The following CLVS1 variants were observed in gnomAD, a reference collection of about 807,000 sequenced individuals.
The protein encoded by CLVS1 is clavesin 1.
Under a neutral mutation model 33.1 loss-of-function variants are expected in CLVS1, and 10 were observed. The ratio of observed to expected loss-of-function variants is 0.30; its 90% CI spans 0.19 to 0.51. The LOEUF (loss-of-function observed/expected upper bound fraction) is 0.51. Among genes scored for constraint, CLVS1 ranks in the 20% least tolerant of loss-of-function variants. The pLI is 0.97. For missense variants in CLVS1, 343 were observed against 433.4 expected, an observed-to-expected ratio of 0.79 and a Z score of 1.85; for synonymous variants, 163 against 166.1, an observed-to-expected ratio of 0.98 and a Z score of 0.14.
At chr8:61,317,557 G>T (rs1445795329) in intron 2 of CLVS1, among the ~76,000 whole-genome samples, 1 of 152,116 alleles carries the variant, frequency 6.6e-6, no homozygotes, top group Admixed American at 6.6e-5. Context: ...CAGAAATGTT[G>T]TTCCATCTCT....
chr8:61,057,980 A>G (rs993661105), intron 1 of CLVS1, among the ~76,000 whole-genome samples: 2 of 152,220 alleles, frequency 1.3e-5, no homozygotes, highest in African/African-American at 4.8e-5. Context: ...ATTGAGGCTA[A>G]TGATAAATCT....
intron 2 of CLVS1, among the ~76,000 whole-genome samples, chr8:61,152,313 T>G (rs148565731): frequency 6.6e-6 from 1 of 152,140 alleles, no homozygotes; most frequent in African/African-American, 2.4e-5. Flanking sequence ...GATCCCATCA[T>G]TAGGGCCCTA....
intron 3 of CLVS1, among the ~76,000 whole-genome samples, chr8:61,444,387 G>A (rs529302020): frequency 7.2e-5 from 11 of 152,208 alleles, no homozygotes; most frequent in African/African-American, 2.4e-4. Context: ...TTAAAATCAC[G>A]TTTAGAAGGT....
rs1051082838 is a variant in CLVS1 at position 61,298,623 on chromosome 8, A to C, written c.-151-1054A>C. On this transcript the variant is annotated intron_variant, in intron 1 of 5. Transcript: ENST00000325897. ...GAGTAAATATTCTGCCTCTTACTGC[A>C]GATAAGATTGACTTAAGAAAGCTAG... 2.0e-4 allele frequency among the ~76,000 whole-genome samples: 30 copies of C among 152,220 alleles called. 1 individual carries two copies. The highest frequency in any genetic ancestry group is 1.5e-5 in the Non-Finnish European group (1 of 68,026).
At chr8:61,110,670 T>C (rs1417428194) in intron 1 of CLVS1, among the ~76,000 whole-genome samples, 1 of 151,816 alleles carries the variant, frequency 6.6e-6, no homozygotes, top group Non-Finnish European at 1.5e-5. Context: ...AAACTGACAC[T>C]CTGTACCCAC....
intron 1 of CLVS1, among the ~76,000 whole-genome samples, chr8:61,088,334 CA>C: frequency 6.6e-6 from 1 of 151,872 alleles, no homozygotes; most frequent in Non-Finnish European, 1.5e-5. Flanking sequence ...ATTTAAAATA[CA>C]AAAAATTAGC....
intron 3 of CLVS1, among the ~76,000 whole-genome samples, chr8:61,433,459 A>T (rs1029384779): frequency 5.9e-5 from 9 of 152,270 alleles, no homozygotes; most frequent in African/African-American, 2.2e-4. Flanking sequence ...TGTTTGCCTG[A>T]CTCAGTGCCC....
chr8:61,486,540 G>A (rs141620314), intron 5 of CLVS1, among the ~76,000 whole-genome samples: 9 of 152,252 alleles, frequency 5.9e-5, no homozygotes, highest in African/African-American at 2.2e-4. Flanking sequence ...AATCCTTCAC[G>A]TACCTTAAAC....
chr8:60,976,960 C>T, the CLVS1 span, among the ~76,000 whole-genome samples: 248 of 152,298 alleles, frequency 1.6e-3, 1 homozygote, highest in African/African-American at 5.7e-3. Context: ...AAGCAGCTCC[C>T]GAGGGGATTT....
At chr8:61,057,384 A>G (rs1038434167) in intron 1 of CLVS1, among the ~76,000 whole-genome samples, 7 of 150,114 alleles carry the variant, frequency 4.7e-5, no homozygotes, top group Admixed American at 4.0e-4. Flanking sequence ...ACACACACAC[A>G]CACACACACA....
chr8:61,392,590 G>A, intron 3 of CLVS1, among the ~76,000 whole-genome samples: 1 of 152,042 alleles, frequency 6.6e-6, no homozygotes, highest in Non-Finnish European at 1.5e-5. Flanking sequence ...TGGCACGGTG[G>A]CTCACACCTG....
intron 2 of CLVS1, among the ~76,000 whole-genome samples, chr8:61,194,172 C>A (rs1243074047): frequency 6.6e-6 from 1 of 151,862 alleles, no homozygotes; most frequent in Non-Finnish European, 1.5e-5. Context: ...AAATGGATAG[C>A]ATAGAATAAA....
At chr8:61,356,373 A>G (rs1392437108) in intron 2 of CLVS1, among the ~76,000 whole-genome samples, 2 of 151,676 alleles carry the variant, frequency 1.3e-5, no homozygotes, top group East Asian at 3.9e-4. Context: ...TTGCCTGTTC[A>G]CTCTGATGGT....
chr8:61,424,144 T>C (rs1447784274), intron 3 of CLVS1, among the ~76,000 whole-genome samples: 1 of 152,218 alleles, frequency 6.6e-6, no homozygotes, highest in East Asian at 1.9e-4. Context: ...CCTGTATTTT[T>C]TCCCAAAGTT....
At chr8:61,141,008 C>G (rs10103997) in intron 2 of CLVS1, among the ~76,000 whole-genome samples, 42,477 of 152,010 alleles carry the variant, frequency 0.28, 6,457 homozygotes, top group East Asian at 0.57. Context: ...GATTTGTGAT[C>G]AGACGGAACT....
chr8:61,180,692 A>T (rs1253042370), intron 2 of CLVS1, among the ~76,000 whole-genome samples: 3 of 152,252 alleles, frequency 2.0e-5, no homozygotes, highest in African/African-American at 7.2e-5. Flanking sequence ...AACATATGCA[A>T]ATCAATAAAC....
At chr8:61,199,856 T>G (rs1047860872) in intron 2 of CLVS1, among the ~76,000 whole-genome samples, 1 of 152,230 alleles carries the variant, frequency 6.6e-6, no homozygotes, top group Non-Finnish European at 1.5e-5. Flanking sequence ...CCTCATATTT[T>G]ACCTTTGTGG....
At chr8:61,165,307 A>G (rs930898854) in intron 2 of CLVS1, among the ~76,000 whole-genome samples, 8 of 152,230 alleles carry the variant, frequency 5.3e-5, no homozygotes, top group Non-Finnish European at 1.0e-4. Flanking sequence ...AACACGGACC[A>G]GAAGAGTGCA....
At chr8:61,437,834 A>G (rs1816392570) in intron 3 of CLVS1, among the ~76,000 whole-genome samples, 1 of 152,218 alleles carries the variant, frequency 6.6e-6, no homozygotes, top group Admixed American at 6.5e-5. Context: ...AAGCATATGC[A>G]TCCTTAAAGT....
Sources: allele counts gnomAD v4.1 joint callset (sites outside exome capture counted in the v4.1 genomes callset), GRCh38; gene constraint gnomAD v4.1.1; transcripts MANE v1.5; gene names NCBI Gene and HGNC (gene_info 2026-07-23, HGNC 2026-07-21).